KCNK13: variants seen among roughly 807,000 people sequenced by gnomAD.
KCNK13 encodes the protein potassium channel subfamily K member 13.
In KCNK13, 12 loss-of-function variants were observed where a neutral mutation model predicts 23.4. That is an observed-to-expected ratio of 0.51 (90% CI 0.33 to 0.83). The LOEUF (loss-of-function observed/expected upper bound fraction) is 0.83. Ranked by LOEUF, KCNK13 falls within the 40% of genes least tolerant of loss-of-function variation. The probability of loss-of-function intolerance (pLI) is 0.02; values close to 1 mark genes in which losing one functional copy is unlikely to be tolerated. For missense variants in KCNK13, 463 were observed against 556.3 expected (o/e 0.83, Z 1.69); for synonymous variants, 231 against 229.5 (o/e 1.01, Z -0.06).
chr14:90,182,255 G>T (rs1040644226), intron 1 of KCNK13, among the ~76,000 whole-genome samples: 1 of 152,172 alleles, frequency 6.6e-6, no homozygotes, highest in African/African-American at 2.4e-5. Flanking sequence ...AGTTCTGAAT[G>T]GTAATACAGT....
At chr14:90,096,303 C>A (rs1388522293) in intron 1 of KCNK13, among the ~76,000 whole-genome samples, 1 of 152,172 alleles carries the variant, frequency 6.6e-6, no homozygotes, top group Non-Finnish European at 1.5e-5. Flanking sequence ...GGTGACCAGC[C>A]CCATTCTGAA....
At chr14:90,161,889 G>A (rs773076539) in intron 1 of KCNK13, among the ~76,000 whole-genome samples, 24 of 152,282 alleles carry the variant, frequency 1.6e-4, no homozygotes, top group East Asian at 5.8e-4. Flanking sequence ...TTAAGAAAAG[G>A]AGAACAGGGC....
chr14:90,123,119 A>C (rs549901587), intron 1 of KCNK13, among the ~76,000 whole-genome samples: 1 of 152,180 alleles, frequency 6.6e-6, no homozygotes, highest in Non-Finnish European at 1.5e-5. Flanking sequence ...GAAGGTGAGA[A>C]AGCAAGTCCC....
intron 1 of KCNK13, among the ~76,000 whole-genome samples, chr14:90,165,050 A>G (rs1890288323): frequency 6.6e-6 from 1 of 152,208 alleles, no homozygotes; most frequent in African/African-American, 2.4e-5. Flanking sequence ...GGGAAGCAAG[A>G]CATGTCTTAC....
chr14:90,063,102 A>C (rs1415877474), intron 1 of KCNK13, among the ~76,000 whole-genome samples: 1 of 152,186 alleles, frequency 6.6e-6, no homozygotes, highest in African/African-American at 2.4e-5. Flanking sequence ...AGGAAGAACC[A>C]GGGAAGTGAC....
chr14:90,085,835 A>G (rs1032226472), intron 1 of KCNK13, among the ~76,000 whole-genome samples: 1 of 106,754 alleles, frequency 9.4e-6, no homozygotes, highest in Non-Finnish European at 1.9e-5. Context: ...ATTATATATT[A>G]TATAGATATT....
At chr14:90,150,066 G>C (rs538152464) in intron 1 of KCNK13, among the ~76,000 whole-genome samples, 1 of 152,182 alleles carries the variant, frequency 6.6e-6, no homozygotes, top group South Asian at 2.1e-4. Context: ...AGATACATAA[G>C]CGCTCAGAAG....
intron 1 of KCNK13, among the ~76,000 whole-genome samples, chr14:90,079,359 GA>G: frequency 6.6e-6 from 1 of 152,190 alleles, no homozygotes; most frequent in Non-Finnish European, 1.5e-5. Flanking sequence ...TTGAGGATGA[GA>G]AAAGGGAAAA....
In KCNK13 at chr14:90,184,646, C is replaced by T. The variant is rs1276197855; in HGVS notation, c.870C>T (p.Ile290=). 6.2e-7 allele frequency: 1 copy of T among 1,614,130 alleles called. No homozygotes were observed. The highest frequency in any genetic ancestry group is 1.3e-5 in the African/African-American group (1 of 74,932). ...SILIKQSLNW[I]LRKMDSGCCP... is the part of the protein sequence containing the mutation. ...TCATCAAACAGTCCTTGAACTGGAT[C>T]CTGAGGAAAATGGACAGCGGGTGCT... is the stretch of plus-strand genomic sequence containing the variant. The change falls in exon 2 of 2, where the codon ATC becomes ATT. Residue 290 remains isoleucine, a synonymous_variant. Transcript: ENST00000282146. The surrounding 1 kb of genome is among the most constrained non-coding windows in gnomAD (Gnocchi z 5.6).
intron 1 of KCNK13, among the ~76,000 whole-genome samples, chr14:90,069,011 C>T (rs1889041889): frequency 6.7e-6 from 1 of 148,892 alleles, no homozygotes; most frequent in African/African-American, 2.5e-5. Context: ...TGACTAGATT[C>T]TCAACAACAG....
intron 1 of KCNK13, among the ~76,000 whole-genome samples, chr14:90,166,325 G>A (rs181796092): frequency 6.6e-6 from 1 of 152,330 alleles, no homozygotes; most frequent in African/African-American, 2.4e-5. Context: ...GTGGAAATAC[G>A]TTCCCTTTGG....
At chr14:90,116,742 G>T (rs1889681396) in intron 1 of KCNK13, among the ~76,000 whole-genome samples, 1 of 150,900 alleles carries the variant, frequency 6.6e-6, no homozygotes, top group Non-Finnish European at 1.5e-5. Context: ...CCACGGGTCT[G>T]TGTCACAACT....
rs570083675 is a variant in KCNK13 at position 90,109,049 on chromosome 14, C to T, written c.334+46510C>T. Among the ~76,000 whole-genome samples, 13 of 151,978 alleles carry T rather than the reference C, an allele frequency of 8.6e-5. No homozygotes were observed. In the East Asian group the frequency reaches 2.4e-3, roughly 28 times the overall value. On this transcript the variant is annotated intron_variant, in intron 1 of 1. Coordinates refer to ENST00000282146, the MANE Select transcript of KCNK13 (RefSeq NM_022054.4). ...AATATTAGCCGGGCATGGTGGCAGG[C>T]GCCTGTAGTCCCAGCTACTCGGGAG...
intron 1 of KCNK13, among the ~76,000 whole-genome samples, chr14:90,159,069 T>G (rs1395812993): frequency 6.6e-6 from 1 of 152,230 alleles, no homozygotes; most frequent in Non-Finnish European, 1.5e-5. Context: ...AAGTCCAAGG[T>G]TGAGTGGCTG....
At chr14:90,121,686 T>C (rs1368028466) in intron 1 of KCNK13, among the ~76,000 whole-genome samples, 1 of 152,178 alleles carries the variant, frequency 6.6e-6, no homozygotes, top group Non-Finnish European at 1.5e-5. Context: ...TAGTACCTTG[T>C]TGGATTGCCT....
chr14:90,090,360 G>T (rs1889330211), intron 1 of KCNK13, among the ~76,000 whole-genome samples: 1 of 152,184 alleles, frequency 6.6e-6, no homozygotes, highest in Non-Finnish European at 1.5e-5. Flanking sequence ...GACTTGCATG[G>T]GGCCTGTAAC....
At chr14:90,070,683 C>A (rs1197151043) in intron 1 of KCNK13, among the ~76,000 whole-genome samples, 1 of 152,174 alleles carries the variant, frequency 6.6e-6, no homozygotes, top group Non-Finnish European at 1.5e-5. Flanking sequence ...AGAATGCAAG[C>A]TTTTCTTCAA....
chr14:90,071,877 G>A (rs938371420), intron 1 of KCNK13, among the ~76,000 whole-genome samples: 3 of 151,280 alleles, frequency 2.0e-5, no homozygotes, highest in African/African-American at 4.9e-5. Context: ...CAGCCTGGGC[G>A]ACAGAGTGAG....
chr14:90,104,631 C>CT (rs1166987976), intron 1 of KCNK13, among the ~76,000 whole-genome samples: 1 of 151,718 alleles, frequency 6.6e-6, no homozygotes, highest in Non-Finnish European at 1.5e-5. Context: ...CATTCTGTTT[C>CT]TTTCCTGGGC....
Sources: gnomAD v4.1 joint callset for allele counts (sites outside exome capture counted in the v4.1 genomes callset) on GRCh38, gnomAD v4.1.1 for gene constraint, Gnocchi (gnomAD v3.1) non-coding constraint, MANE v1.5 for transcripts, NCBI Gene and HGNC (gene_info 2026-07-23, HGNC 2026-07-21) for gene names.